PARD3: variants seen among roughly 807,000 people sequenced by gnomAD.
PARD3 encodes par-3 family cell polarity regulator.
A neutral mutation model predicts 155.4 loss-of-function variants in PARD3; 75 were observed. That is an observed-to-expected ratio of 0.48 (90% CI 0.40 to 0.58). PARD3 has a LOEUF of 0.58. Ranked by LOEUF, PARD3 falls within the 20% of genes least tolerant of loss-of-function variation. The pLI, the probability that PARD3 is intolerant of heterozygous loss-of-function variation, is 0.00. For missense variants in PARD3, 1,642 were observed against 1,721.7 expected, an observed-to-expected ratio of 0.95 and a Z score of 0.82; for synonymous variants, 576 against 610.5, an observed-to-expected ratio of 0.94 and a Z score of 0.83.
chr10:34,344,951 G>A, intron 15 of PARD3: 1 of 985,396 alleles, frequency 1.0e-6, no homozygotes. Flanking sequence ...GTTGGCTGGA[G>A]TATGTGGTTT....
chr10:34,536,122 G>A (rs2083210006), intron 2 of PARD3, among the ~76,000 whole-genome samples: 1 of 152,108 alleles, frequency 6.6e-6, no homozygotes, highest in Non-Finnish European at 1.5e-5. Context: ...AGACTTTGGT[G>A]TCTCTCCCAC....
intron 7 of PARD3, among the ~76,000 whole-genome samples, 170 bp from the exon 8 acceptor site, chr10:34,384,424 G>T (rs1477296272): frequency 2.6e-5 from 4 of 152,150 alleles, no homozygotes; most frequent in Admixed American, 2.6e-4. Context: ...ACGTTAAAAT[G>T]ACATGTAAAA....
chr10:34,443,626 G>A (rs948790283), intron 5 of PARD3, among the ~76,000 whole-genome samples: 1 of 152,086 alleles, frequency 6.6e-6, no homozygotes, highest in African/African-American at 2.4e-5. Flanking sequence ...CATGAGAACA[G>A]CATGGGAAAG....
At chr10:34,212,669 G>T (rs1951811699) in intron 22 of PARD3, among the ~76,000 whole-genome samples, 1 of 151,704 alleles carries the variant, frequency 6.6e-6, no homozygotes, top group Non-Finnish European at 1.5e-5. Flanking sequence ...GGCAGGGGGG[G>T]TTCTGAGGGG....
At chr10:34,137,854 G>A (rs567187838) in intron 22 of PARD3, among the ~76,000 whole-genome samples, 1 of 152,162 alleles carries the variant, frequency 6.6e-6, no homozygotes, top group Non-Finnish European at 1.5e-5. Flanking sequence ...TGTTATTAGA[G>A]GCCACTAGGT....
intron 22 of PARD3, among the ~76,000 whole-genome samples, chr10:34,192,889 C>T (rs1950777808): frequency 1.3e-5 from 2 of 152,132 alleles, no homozygotes; most frequent in Admixed American, 6.5e-5. Context: ...TTATCATGCC[C>T]GCCTCTCTAA....
chr10:34,811,516 G>C (rs562486924), intron 1 of PARD3, among the ~76,000 whole-genome samples: 1 of 152,030 alleles, frequency 6.6e-6, no homozygotes, highest in African/African-American at 2.4e-5. Context: ...ACCAAGCCCA[G>C]TTCAAATCCT....
At chr10:34,776,852 T>TGGGGGG (rs1839613758) in intron 1 of PARD3, among the ~76,000 whole-genome samples, 1 of 29,638 alleles carries the variant, frequency 3.4e-5, no homozygotes, top group Non-Finnish European at 6.5e-5. Context: ...GGGGGGCGGG[T>TGGGGGG]GGGGGATGGA....
chr10:34,199,180 C>T, intron 22 of PARD3, among the ~76,000 whole-genome samples: 1 of 152,128 alleles, frequency 6.6e-6, no homozygotes, highest in Admixed American at 6.6e-5. Context: ...ATCTCAAAAT[C>T]CAATCAGATC....
At chr10:34,766,294 G>C (rs1349590140) in intron 1 of PARD3, among the ~76,000 whole-genome samples, 1 of 152,164 alleles carries the variant, frequency 6.6e-6, no homozygotes, top group African/African-American at 2.4e-5. Context: ...GACACTAGCA[G>C]GTCAGAAGTG....
At chr10:34,135,955 G>A (rs886974352) in intron 22 of PARD3, among the ~76,000 whole-genome samples, 1 of 152,174 alleles carries the variant, frequency 6.6e-6, no homozygotes, top group Non-Finnish European at 1.5e-5. Flanking sequence ...ATGCTGGCCT[G>A]GTGTTGCTTC....
chr10:34,698,573 G>A (rs1016983393), intron 1 of PARD3, among the ~76,000 whole-genome samples: 5 of 152,100 alleles, frequency 3.3e-5, no homozygotes, highest in Non-Finnish European at 7.3e-5. Context: ...AGACAGTCTC[G>A]CTCTGTCATC....
chr10:34,621,655 T>A (rs998007253), intron 2 of PARD3, among the ~76,000 whole-genome samples: 1 of 152,242 alleles, frequency 6.6e-6, no homozygotes, highest in Non-Finnish European at 1.5e-5. Flanking sequence ...AAAAAATCAC[T>A]ACACTGATTA....
intron 1 of PARD3, among the ~76,000 whole-genome samples, chr10:34,770,060 G>C (rs1444121845): frequency 6.6e-6 from 1 of 152,044 alleles, no homozygotes; most frequent in Non-Finnish European, 1.5e-5. Flanking sequence ...CAGTATTAGC[G>C]GATGGCCCTT....
chr10:34,325,405 TGTGCATCCA>T (rs1958630108), intron 19 of PARD3, among the ~76,000 whole-genome samples: 1 of 152,152 alleles, frequency 6.6e-6, no homozygotes, highest in African/African-American at 2.4e-5. Context: ...CATATTTCTC[TGTGCATCCA>T]GTTGAAGACT....
chr10:34,621,158 T>C (rs994555653), intron 2 of PARD3, among the ~76,000 whole-genome samples: 1 of 152,322 alleles, frequency 6.6e-6, no homozygotes, highest in East Asian at 1.9e-4. Flanking sequence ...AAAGAATCAG[T>C]AGTTTCCACT....
chr10:34,227,887 G>T (rs1267855630), intron 22 of PARD3, among the ~76,000 whole-genome samples: 14 of 62,142 alleles, frequency 2.3e-4, no homozygotes, highest in Admixed American at 3.1e-4. Context: ...TATATATACT[G>T]GGAATATATA....
intron 22 of PARD3, among the ~76,000 whole-genome samples, chr10:34,150,203 C>G (rs183177800): frequency 1.7e-3 from 258 of 152,162 alleles, no homozygotes; most frequent in African/African-American, 5.7e-3. Flanking sequence ...CAGTGCTGAC[C>G]ACAGAAGAGG....
At chr10:34,175,070 T>C (rs755254769) in intron 22 of PARD3, among the ~76,000 whole-genome samples, 1 of 152,194 alleles carries the variant, frequency 6.6e-6, no homozygotes, top group Non-Finnish European at 1.5e-5. Context: ...ACTAACATCA[T>C]TATTAATTGT....
Sources: allele counts gnomAD v4.1 joint callset (sites outside exome capture counted in the v4.1 genomes callset), GRCh38; gene constraint gnomAD v4.1.1; transcripts MANE v1.5; gene names NCBI Gene and HGNC (gene_info 2026-07-23, HGNC 2026-07-21).